Variants in ARID4A observed in about 807,000 individuals in gnomAD.
ARID4A encodes AT-rich interaction domain 4A.
In ARID4A, 39 loss-of-function variants were observed where a neutral mutation model predicts 148.6. The observed-to-expected ratio is 0.26, with a 90% confidence interval of 0.20 to 0.34. The LOEUF (loss-of-function observed/expected upper bound fraction) is 0.34. ARID4A is among the 10% of genes least tolerant of loss of function. The probability of loss-of-function intolerance (pLI) is 1.00; values close to 1 mark genes in which losing one functional copy is unlikely to be tolerated. For synonymous variants in ARID4A, 475 were observed against 481.2 expected (o/e 0.99, Z 0.17); for missense variants, 1,265 against 1,449.1 (o/e 0.87, Z 2.06).
chr14:58,317,940 C>T (rs898974773), intron 5 of ARID4A, among the ~76,000 whole-genome samples: 2 of 151,134 alleles, frequency 1.3e-5, no homozygotes, highest in South Asian at 4.2e-4. Flanking sequence ...TTGAGACCAA[C>T]CTGGGTAAAA....
At chr14:58,363,771 AG>A (rs2035234330) in intron 19 of ARID4A, among the ~76,000 whole-genome samples, 1 of 152,154 alleles carries the variant, frequency 6.6e-6, no homozygotes, top group African/African-American at 2.4e-5. Flanking sequence ...TTCCTTTCTT[AG>A]GGTACAAAAT....
chr14:58,345,618 C>T (rs2034319796), intron 12 of ARID4A, among the ~76,000 whole-genome samples: 1 of 151,746 alleles, frequency 6.6e-6, no homozygotes. Context: ...AGAAATCATC[C>T]TTCAGATTAC....
chr14:58,322,977 AAAAAT>A (rs1396685725), intron 7 of ARID4A, among the ~76,000 whole-genome samples: 1 of 143,644 alleles, frequency 7.0e-6, no homozygotes, highest in Non-Finnish European at 1.5e-5. Flanking sequence ...AAAAAAAAAA[AAAAAT>A]ATATATATAT....
intron 1 of ARID4A, 84 bp from the exon 2 acceptor site, chr14:58,299,714 C>A: frequency 8.3e-7 from 1 of 1,202,644 alleles, no homozygotes; most frequent in Non-Finnish European, 1.2e-6. Context: ...CCCCTCCCCG[C>A]TGGCGTTTGT....
chr14:58,312,526 T>A (rs2032118494), intron 5 of ARID4A, among the ~76,000 whole-genome samples: 11 of 151,704 alleles, frequency 7.3e-5, no homozygotes, highest in Admixed American at 6.6e-4. Flanking sequence ...AAATAAATAA[T>A]TTTTTTTTAA....
chr14:58,338,509 C>T (rs952031015), intron 11 of ARID4A, among the ~76,000 whole-genome samples: 65 of 151,872 alleles, frequency 4.3e-4, no homozygotes, highest in African/African-American at 1.5e-3. Flanking sequence ...AGGGATCTGC[C>T]CATTTCAGGG....
At chr14:58,371,166 A>C (rs1489676775) in intron 23 of ARID4A, among the ~76,000 whole-genome samples, 3 of 152,134 alleles carry the variant, frequency 2.0e-5, no homozygotes, top group Non-Finnish European at 2.9e-5. Context: ...GGCATGTCTT[A>C]GCTACTTGGA....
chr14:58,349,924 C>G (rs1004190304), intron 15 of ARID4A, among the ~76,000 whole-genome samples: 2 of 151,710 alleles, frequency 1.3e-5, no homozygotes, highest in African/African-American at 4.8e-5. Context: ...TCCTGGCCAA[C>G]GTGGTGAAAC....
At chr14:58,346,894 C>G (rs2140232641) in intron 13 of ARID4A, 126 bp from the exon 14 acceptor site, 1 of 432,068 alleles carries the variant, frequency 2.3e-6, no homozygotes, top group East Asian at 4.4e-5. Flanking sequence ...CACCACTGCT[C>G]TCCAGCCTGG....
At chr14:58,330,991 G>C (rs2033485915) in intron 11 of ARID4A, among the ~76,000 whole-genome samples, 2 of 152,146 alleles carry the variant, frequency 1.3e-5, no homozygotes, top group Admixed American at 1.3e-4. Context: ...TGAAAAGGGG[G>C]ACCTATTTGA....
At position 58,299,844 on chromosome 14, in the gene ARID4A, C is replaced by T. The variant is rs2030983523; in HGVS notation, c.-11C>T. ...CTCGCTGAGCTGGAACCCCACAGAT[C>T]ACCAACAAAAATGAAGGTAAGTGGA... On this transcript the variant is annotated 5_prime_UTR_variant, in exon 2 of 24. Transcript: ENST00000355431. The T allele has an allele frequency of 1.1e-5, 17 of 1,614,214 alleles. No homozygotes were observed. The highest frequency in any genetic ancestry group is 1.4e-5 in the Non-Finnish European group (16 of 1,180,022).
intron 1 of ARID4A, chr14:58,299,513 C>A (rs1213726445): frequency 3.2e-6 from 1 of 314,668 alleles, no homozygotes; most frequent in Non-Finnish European, 6.1e-6. Context: ...CCGGAGCTAT[C>A]TGTCCTGGAG....
At chr14:58,319,144 C>A (rs1403502422) in intron 7 of ARID4A, among the ~76,000 whole-genome samples, 5 of 152,146 alleles carry the variant, frequency 3.3e-5, no homozygotes, top group Non-Finnish European at 7.4e-5. Flanking sequence ...ACTGCAACCT[C>A]CGCCTCCTGG....
chr14:58,338,064 G>A (rs1391154454), intron 11 of ARID4A, among the ~76,000 whole-genome samples: 1 of 152,114 alleles, frequency 6.6e-6, no homozygotes, highest in African/African-American at 2.4e-5. Context: ...ACATTACATT[G>A]AATATTGCCT....
rs2034618853 is a variant in ARID4A at position 58,351,114 on chromosome 14, G to A, written c.1446G>A (p.Lys482=). Reference sequence around the variant, plus strand: ...CTCGAGATGTAAATTCTATTAAAAAGGAAATTGAAGAAGAGAAAACAGAAG... The same window carrying A: ...CTCGAGATGTAAATTCTATTAAAAAAGAAATTGAAGAAGAGAAAACAGAAG... ...RIARDVNSIK[K]EIEEEKTEDK... is the part of the protein sequence containing the mutation. The change falls in exon 16 of 24, where the codon AAG becomes AAA. Residue 482 remains lysine, a synonymous_variant. Coordinates refer to ENST00000355431, the MANE Select transcript of ARID4A (RefSeq NM_002892.4). The A allele has an allele frequency of 2.5e-6, 4 of 1,600,786 alleles. No individual in the cohort carries two copies. The highest frequency in any genetic ancestry group is 1.1e-5 in the South Asian group (1 of 87,416).
In ARID4A at chr14:58,365,396, T is replaced by C. The variant is rs2035312924; in HGVS notation, c.3211+96T>C. Reference sequence around the variant, plus strand: ...TGTTGATCTGTAAAGTACTTTCTTTTTCTTTTCTCTCTTCTTTTCTTATTA... The same window carrying C: ...TGTTGATCTGTAAAGTACTTTCTTTCTCTTTTCTCTCTTCTTTTCTTATTA... On this transcript the variant is annotated intron_variant, in intron 20 of 23. Transcript: ENST00000355431. 2.1e-6 allele frequency: 3 copies of C among 1,445,122 alleles called. No individual in the cohort carries two copies. The East Asian group carries it at 7.0e-5, about 34-fold the overall frequency. 89.5% of individuals were successfully genotyped at this position (1,445,122 alleles called of 1,614,324 possible).
At chr14:58,305,933 T>C in intron 4 of ARID4A, 89 bp from the exon 5 acceptor site, 1 of 885,406 alleles carries the variant, frequency 1.1e-6, no homozygotes, top group South Asian at 1.4e-5. Flanking sequence ...GTATGGTGTT[T>C]ATTTTTCTTA....
intron 2 of ARID4A, 135 bp from the exon 3 acceptor site, chr14:58,301,445 T>TTTA: frequency 1.9e-6 from 1 of 516,692 alleles, no homozygotes; most frequent in Non-Finnish European, 3.4e-6. Flanking sequence ...AGGGTATTTT[T>TTTA]CAAATTTTCA....
chr14:58,313,045 T>C (rs1040172518), intron 5 of ARID4A, among the ~76,000 whole-genome samples: 3 of 152,248 alleles, frequency 2.0e-5, no homozygotes, highest in African/African-American at 7.2e-5. Context: ...TGTGTTTGTT[T>C]GCATTGGCAT....
Sources: allele counts gnomAD v4.1 joint callset (sites outside exome capture counted in the v4.1 genomes callset), GRCh38; gene constraint gnomAD v4.1.1; transcripts MANE v1.5; gene names NCBI Gene and HGNC (gene_info 2026-07-23, HGNC 2026-07-21).